Variants in RNF135 observed in about 807,000 individuals in gnomAD.
The protein encoded by RNF135 is E3 ubiquitin-protein ligase RNF135.
A neutral mutation model predicts 41.9 loss-of-function variants in RNF135; 46 were observed. That is an observed-to-expected ratio of 1.10 (90% CI 0.87 to 1.40). The LOEUF (loss-of-function observed/expected upper bound fraction) is 1.40, where lower values mean the gene tolerates loss of function less well. RNF135 is among the 40% of genes most tolerant of loss of function. The pLI is 0.00. For synonymous variants in RNF135, 238 were observed against 223.8 expected, an observed-to-expected ratio of 1.06 and a Z score of -0.57; for missense variants, 539 against 549.8, an observed-to-expected ratio of 0.98 and a Z score of 0.20.
chr17:30,966,100 T>TGAGGTGGGCGGATCACCTGAGGTCAGGAG (rs1345687902), upstream of RNF135, among the ~76,000 whole-genome samples: 1 of 152,166 alleles, frequency 6.6e-6, no homozygotes, highest in African/African-American at 2.4e-5. Context: ...CTTTCAATGG[T>TGAGGTGGGCGGATCACCTGAGGTCAGGAG]TTTACAAAGG....
chr17:30,968,458 T>G (rs113577669), upstream of RNF135, among the ~76,000 whole-genome samples: 1,349 of 150,480 alleles, frequency 9.0e-3, 26 homozygotes, highest in Middle Eastern at 0.054. Context: ...CGAACTCAGC[T>G]CACTGCAAGC....
At position 30,999,188 on chromosome 17, in the gene RNF135, G is replaced by A; in HGVS notation, c.1296G>A (p.Val432=). Residue 432 remains valine (V), a synonymous_variant, in exon 5 of 5, where the codon GTG becomes GTA. Transcript: ENST00000328381. ...GNYLIIKQVK[V] ...ACCTGATAATAAAGCAAGTAAAGGT[G>A]TAAGGTTTCCTAAGGGATTACAACA... 1 of 1,612,938 alleles carries A rather than the reference G, an allele frequency of 6.2e-7. No homozygotes were observed. The highest frequency in any genetic ancestry group is 8.5e-7 in the Non-Finnish European group (1 of 1,180,002).
chr17:30,976,553 T>C (rs1906477179), intron 1 of RNF135, among the ~76,000 whole-genome samples: 1 of 152,228 alleles, frequency 6.6e-6, no homozygotes, highest in South Asian at 2.1e-4. Context: ...AGTGGGTTGT[T>C]GAAGTCTCCA....
Position 30,971,901 on chromosome 17 carries a change from C to T in RNF135, c.372+456C>T, listed in dbSNP as rs925475569. ...CCGCCCCCCAGGGTCGAGTGATTCTCTTGCTTCAGGCTCGAGAGTAGCTGG... is the reference window on the plus strand; with the variant it reads ...CCGCCCCCCAGGGTCGAGTGATTCTTTTGCTTCAGGCTCGAGAGTAGCTGG... On this transcript the variant is annotated intron_variant, in intron 1 of 4. Transcript: ENST00000328381. 4.8e-5 allele frequency: 9 copies of T among 186,812 alleles called. No individual in the cohort carries two copies. In the South Asian group the frequency reaches 8.9e-4, roughly 18 times the overall value. 11.6% of individuals were successfully genotyped at this position (186,812 alleles called of 1,614,324 possible). A position where few individuals can be genotyped will look rare whatever the true frequency, so the allele number is the denominator to read the frequency against.
chr17:30,962,510 G>A, the RNF135 span, among the ~76,000 whole-genome samples: 4 of 152,034 alleles, frequency 2.6e-5, no homozygotes. Flanking sequence ...CTGTTGCCCA[G>A]GCTGGAGTGC....
rs1262817108 is a variant in RNF135 at position 30,971,063 on chromosome 17, G to A, written c.-11G>A. On this transcript the variant is annotated 5_prime_UTR_variant, in exon 1 of 5. Coordinates refer to ENST00000328381, the MANE Select transcript of RNF135 (RefSeq NM_032322.4). Reference sequence around the variant, plus strand: ...CAACCCCGACGTCCGCGCCCCGGCCGCCTGTTGGCCATGGCGGGCCTGGGC... The same window carrying A: ...CAACCCCGACGTCCGCGCCCCGGCCACCTGTTGGCCATGGCGGGCCTGGGC... 7.2e-6 allele frequency: 11 copies of A among 1,534,010 alleles called. No individual in the cohort carries two copies. The highest frequency in any genetic ancestry group is 7.9e-6 in the Non-Finnish European group (9 of 1,145,932).
At chr17:30,976,991 T>C (rs1266250900) in intron 1 of RNF135, among the ~76,000 whole-genome samples, 1 of 152,188 alleles carries the variant, frequency 6.6e-6, no homozygotes, top group Non-Finnish European at 1.5e-5. Flanking sequence ...TTGGTTGTTT[T>C]GTTTTGTGGT....
At chr17:30,963,643 T>C in the RNF135 span, among the ~76,000 whole-genome samples, 2 of 152,174 alleles carry the variant, frequency 1.3e-5, no homozygotes, top group Non-Finnish European at 2.9e-5. Flanking sequence ...ATATTCTGGA[T>C]ACTAGGAATA....
chr17:30,984,751 C>T lies in RNF135; in HGVS notation c.507C>T (p.Ile169=). The T allele has an allele frequency of 6.2e-7, 1 of 1,614,098 alleles. No individual in the cohort carries two copies. The highest frequency in any genetic ancestry group is 8.5e-7 in the Non-Finnish European group (1 of 1,180,006). ...SESGPDNELS[I]LGKAFSSGVD... ...CTGGACCAGACAACGAACTGAGCAT[C>T]CTGGGCAAGGTAGGCTCCACTGGGA... is the stretch of plus-strand genomic sequence containing the variant. Residue 169 remains isoleucine, a synonymous_variant, in exon 2 of 5, where the codon ATC becomes ATT. Coordinates refer to ENST00000328381, the MANE Select transcript of RNF135 (RefSeq NM_032322.4).
intron 4 of RNF135, 102 bp from the exon 5 acceptor site, chr17:30,998,560 C>CA: frequency 1.7e-6 from 2 of 1,151,578 alleles, no homozygotes; most frequent in East Asian, 2.3e-5. Flanking sequence ...GTGAGTGAAA[C>CA]ATCACACCAA....
chr17:30,960,091 G>A, the RNF135 span, among the ~76,000 whole-genome samples: 1 of 151,698 alleles, frequency 6.6e-6, no homozygotes, highest in African/African-American at 2.4e-5. Flanking sequence ...ATATATATAT[G>A]GCTATAGAAA....
chr17:30,983,353 A>ATATATATATATATATTTTTT (rs1420453160), intron 1 of RNF135, among the ~76,000 whole-genome samples: 2 of 35,728 alleles, frequency 5.6e-5, no homozygotes. Flanking sequence ...ATATATATAT[A>ATATATATATATATATTTTTT]TTTTTTTTTT....
rs755287886 is a variant in RNF135, at chr17:30,999,227, G to A, written c.*36G>A. On this transcript the variant is annotated 3_prime_UTR_variant, in exon 5 of 5. Transcript: ENST00000328381. ...GGGATTACAACACAGTGGTTTCCTG[G>A]TCTCTCTCCCTGTCATCAATCAGGG... 2.5e-6 allele frequency: 4 copies of A among 1,601,200 alleles called. No homozygotes were observed. Among genetic ancestry groups the A allele is most frequent in the Admixed American group, 3.3e-5 (2 of 59,992 alleles).
chr17:30,971,462 C>T lies in RNF135; in HGVS notation c.372+17C>T, dbSNP rs760495810. ...CTGCAGCGGGTAGGGAGGCCGGGCCCGCAGCTCCCCTGGCTCCCCCGGGCT... is the reference window on the plus strand; with the variant it reads ...CTGCAGCGGGTAGGGAGGCCGGGCCTGCAGCTCCCCTGGCTCCCCCGGGCT... On this transcript the variant is annotated intron_variant, in intron 1 of 4. Coordinates refer to ENST00000328381, the MANE Select transcript of RNF135 (RefSeq NM_032322.4). 23 of 1,487,992 alleles carry T rather than the reference C, an allele frequency of 1.5e-5. No homozygotes were observed. Among genetic ancestry groups the T allele is most frequent in the African/African-American group, 5.9e-5 (4 of 68,216 alleles). 92.2% of individuals were successfully genotyped at this position (1,487,992 alleles called of 1,614,324 possible).
In RNF135 at chr17:30,980,874, C is replaced by A. The variant is rs1316300260; in HGVS notation, c.373-3743C>A. 3.3e-5 allele frequency among the ~76,000 whole-genome samples: 5 copies of A among 150,866 alleles called. No homozygotes were observed. The South Asian group carries it at 1.1e-3, about 32-fold the overall frequency. ...GCCGGGCAGAGACGCTCCTCACTTT[C>A]CAGACTGGGCAGCCAGGCAGAGGGG... is the stretch of plus-strand genomic sequence containing the variant. On this transcript the variant is annotated intron_variant, in intron 1 of 4. Coordinates refer to ENST00000328381, the MANE Select transcript of RNF135 (RefSeq NM_032322.4).
chr17:30,981,070 A>T (rs1384297394), intron 1 of RNF135, among the ~76,000 whole-genome samples: 1 of 146,802 alleles, frequency 6.8e-6, no homozygotes, highest in Non-Finnish European at 1.5e-5. Flanking sequence ...CCTGGGCACC[A>T]TTGAGCACTG....
intron 2 of RNF135, among the ~76,000 whole-genome samples, chr17:30,986,580 T>C (rs147886763): frequency 6.6e-6 from 1 of 152,358 alleles, no homozygotes; most frequent in East Asian, 1.9e-4. Context: ...GTTCAACAAA[T>C]ACCCACTGAA....
In RNF135 at chr17:30,971,079, G is replaced by A. The variant is rs1905861836; in HGVS notation, c.6G>A (p.Ala2=). The part of the protein sequence containing the change: M[A]GLGLGSAVPV... ...GCCCCGGCCGCCTGTTGGCCATGGC[G>A]GGCCTGGGCCTGGGCTCCGCCGTTC... The change falls in exon 1 of 5, where the codon GCG becomes GCA. Residue 2 remains alanine (A), a synonymous_variant. Coordinates refer to ENST00000328381, the MANE Select transcript of RNF135 (RefSeq NM_032322.4). 5.2e-6 allele frequency: 8 copies of A among 1,533,932 alleles called. No individual in the cohort carries two copies. The highest frequency in any genetic ancestry group is 1.4e-5 in the African/African-American group (1 of 72,966).
chr17:30,984,525 C>T lies in RNF135; in HGVS notation c.373-92C>T, dbSNP rs1021803848. ...TCGGTCTGTATGTCTGTTTTTATGC[C>T]ATTACCACAGTATTTATGATTCCCT... is the stretch of plus-strand genomic sequence containing the variant. On this transcript the variant is annotated intron_variant, in intron 1 of 4. Coordinates refer to ENST00000328381, the MANE Select transcript of RNF135 (RefSeq NM_032322.4). The T allele has an allele frequency of 1.4e-5, 19 of 1,324,804 alleles. No individual in the cohort carries two copies. In the African/African-American group the frequency reaches 1.9e-4, roughly 13 times the overall value. The allele number at this position is 1,324,804 out of a possible 1,614,324, so 82.1% of individuals were successfully genotyped here. A position where few individuals can be genotyped will look rare whatever the true frequency, so the allele number is the denominator to read the frequency against.
Sources: gnomAD v4.1 joint callset for allele counts (sites outside exome capture counted in the v4.1 genomes callset) on GRCh38, gnomAD v4.1.1 for gene constraint, MANE v1.5 for transcripts, NCBI Gene and HGNC (gene_info 2026-07-23, HGNC 2026-07-21) for gene names.